WRN: variants seen among roughly 807,000 people sequenced by gnomAD.
The protein encoded by WRN is WRN RecQ like helicase.
In WRN, 149 loss-of-function variants were observed where a neutral mutation model predicts 180.7. That is an observed-to-expected ratio of 0.82 (90% confidence interval 0.72 to 0.94). WRN has a LOEUF of 0.94. WRN is among the 40% of genes least tolerant of loss of function. WRN has a pLI of 0.00. For missense variants in WRN, 1,661 were observed against 1,700.1 expected, an observed-to-expected ratio of 0.98 and a Z score of 0.40; for synonymous variants, 548 against 568.9, an observed-to-expected ratio of 0.96 and a Z score of 0.52.
At chr8:31,136,836 C>CAAAT (rs146117888) in intron 24 of WRN, among the ~76,000 whole-genome samples, 7,616 of 149,542 alleles carry the variant, frequency 0.051, 260 homozygotes, top group Middle Eastern at 0.12. Context: ...TACCCTGTCT[C>CAAAT]GAATGAATGA....
At chr8:31,057,792 C>T (rs1585400829) in intron 1 of WRN, among the ~76,000 whole-genome samples, 1 of 151,422 alleles carries the variant, frequency 6.6e-6, no homozygotes, top group South Asian at 2.1e-4. Context: ...TTCTTATTCA[C>T]TGTATTTTCT....
intron 24 of WRN, among the ~76,000 whole-genome samples, chr8:31,134,819 T>C (rs1369488831): frequency 6.6e-6 from 1 of 152,208 alleles, no homozygotes; most frequent in Non-Finnish European, 1.5e-5. Context: ...CGGGAGAGGA[T>C]TATCCATCCT....
chr8:31,119,574 T>G (rs939952307), intron 20 of WRN, among the ~76,000 whole-genome samples: 1 of 151,988 alleles, frequency 6.6e-6, no homozygotes, highest in East Asian at 1.9e-4. Flanking sequence ...TTTGGCTAGA[T>G]TAGTGTATAC....
intron 1 of WRN, among the ~76,000 whole-genome samples, chr8:31,041,825 G>A (rs1811668166): frequency 6.6e-6 from 1 of 152,178 alleles, no homozygotes; most frequent in Non-Finnish European, 1.5e-5. Flanking sequence ...AGTCAAAATG[G>A]TTGTGCTTTT....
chr8:31,058,277 C>T, intron 1 of WRN, 95 bp from the exon 2 acceptor site: 1 of 596,442 alleles, frequency 1.7e-6, no homozygotes, highest in South Asian at 2.0e-5. Flanking sequence ...TTTTGTGATT[C>T]TAGCTCTTAT....
In WRN at chr8:31,062,628, G is replaced by T. The variant is rs141634302; in HGVS notation, c.210-1661G>T. On this transcript the variant is annotated intron_variant, in intron 3 of 34. Coordinates refer to ENST00000298139, the MANE Select transcript of WRN (RefSeq NM_000553.6). The stretch of plus-strand genomic sequence containing the variant: ...GGGTTTTTGCCATGTTGCCCAGGCG[G>T]TCTCAAATTCCTGGACTCAAGCAAT... Among the ~76,000 whole-genome samples the T allele has an allele frequency of 7.8e-4, 119 of 151,662 alleles. 4 individuals carry two copies. The East Asian group carries it at 0.017, about 22-fold the overall frequency.
In WRN at chr8:31,132,371, T is replaced by A. The variant is rs1563370784; in HGVS notation, c.2832T>A (p.Asp944Glu). 6.2e-7 allele frequency: 1 copy of A among 1,613,884 alleles called. No individual in the cohort carries two copies. Among genetic ancestry groups the A allele is most frequent in the Non-Finnish European group, 8.5e-7 (1 of 1,179,956 alleles). Residue 944 changes from aspartate to glutamate, a missense_variant, in exon 24 of 35, where the codon GAT (aspartate) becomes GAA (glutamate). Physicochemically the swap from Asp to Glu is conservative, Grantham distance 45 (BLOSUM62 2). This residue lies in a region of WRN where 1,141 missense variants were observed against 1,149.4 expected (regional missense o/e 0.99). Transcript: ENST00000298139. ...KCCDNCRSRLDHCYSMDDSED... is the reference protein window; with the variant it reads ...KCCDNCRSRLEHCYSMDDSED... ...TGTTATTATTTTTATTTAGATTGGA[T>A]CATTGCTATTCCATGGATGACTCAG...
chr8:31,093,369 G>A (rs761652989), intron 16 of WRN, among the ~76,000 whole-genome samples: 12 of 152,088 alleles, frequency 7.9e-5, no homozygotes, highest in East Asian at 3.9e-4. Flanking sequence ...CCAAAGTGCC[G>A]GGATTACAGG....
intron 7 of WRN, among the ~76,000 whole-genome samples, chr8:31,074,815 AG>A (rs1439319146): frequency 6.6e-6 from 1 of 152,186 alleles, no homozygotes; most frequent in Non-Finnish European, 1.5e-5. Context: ...TGGAAGGCTC[AG>A]TGGGCAGTGG....
intron 33 of WRN, among the ~76,000 whole-genome samples, chr8:31,158,913 T>C (rs1803495907): frequency 6.6e-6 from 1 of 152,130 alleles, no homozygotes; most frequent in South Asian, 2.1e-4. Flanking sequence ...AACCTATTTA[T>C]AAGTTATGTC....
At chr8:31,137,577 A>G (rs1802447023) in intron 24 of WRN, among the ~76,000 whole-genome samples, 1 of 152,158 alleles carries the variant, frequency 6.6e-6, no homozygotes, top group Non-Finnish European at 1.5e-5. Context: ...TAACTAATAA[A>G]AAGCAGATTA....
At chr8:31,112,344 A>T (rs1156299247) in intron 19 of WRN, among the ~76,000 whole-genome samples, 1 of 152,190 alleles carries the variant, frequency 6.6e-6, no homozygotes, top group Admixed American at 6.5e-5. Context: ...AGTCTTAAGG[A>T]GCTTAGAAAA....
intron 6 of WRN, among the ~76,000 whole-genome samples, chr8:31,067,818 T>C (rs1812770031): frequency 6.6e-6 from 1 of 152,204 alleles, no homozygotes; most frequent in Admixed American, 6.5e-5. Context: ...GTTTCTCCTT[T>C]GCATCTATCA....
intron 19 of WRN, among the ~76,000 whole-genome samples, chr8:31,113,093 C>G (rs952450497): frequency 6.6e-6 from 1 of 150,644 alleles, no homozygotes; most frequent in Non-Finnish European, 1.5e-5. Flanking sequence ...GTAGTCCCAG[C>G]TATTTGGGAG....
intron 7 of WRN, among the ~76,000 whole-genome samples, chr8:31,073,106 G>A (rs898948814): frequency 3.9e-5 from 6 of 152,172 alleles, no homozygotes; most frequent in African/African-American, 1.2e-4. Flanking sequence ...ACCCATAGAG[G>A]ATTTGGAGCA....
intron 12 of WRN, among the ~76,000 whole-genome samples, chr8:31,088,218 T>C (rs1250278979): frequency 1.3e-5 from 2 of 152,204 alleles, no homozygotes; most frequent in East Asian, 3.8e-4. Context: ...ACTCTAACAA[T>C]GAACTTTTAT....
At chr8:31,104,289 A>G (rs1197024813) in intron 18 of WRN, among the ~76,000 whole-genome samples, 3 of 151,998 alleles carry the variant, frequency 2.0e-5, no homozygotes. Context: ...CTCACTTTTA[A>G]TTTGCATTTC....
rs1812743061 is a variant in WRN at position 31,067,185 on chromosome 8, A to ACGT, written c.654+4_654+6dup. 1.9e-6 allele frequency: 3 copies of ACGT among 1,613,440 alleles called. No homozygotes were observed. Among genetic ancestry groups the ACGT allele is most frequent in the South Asian group, 1.1e-5 (1 of 91,074 alleles). On this transcript the variant is annotated splice_donor_region_variant and intron_variant, in intron 6 of 34. Transcript: ENST00000298139. The stretch of plus-strand genomic sequence containing the variant: ...TGTATGCAGCCACTGATGCTTATGT[A>ACGT]CGTGCTTAAAGATCTTTAGAAATTG...
At position 31,175,493 on chromosome 8, in the gene WRN, AAT is replaced by A. The variant is rs1804249504; in HGVS notation, c.*2392_*2393del. 6.6e-6 allele frequency among the ~76,000 whole-genome samples: 1 copy of A among 152,220 alleles called. No homozygotes were observed. The highest frequency in any genetic ancestry group is 2.4e-5 in the African/African-American group (1 of 41,454). The stretch of plus-strand genomic sequence containing the variant: ...ATCTGTTCAGAGTACAAGATGGACC[AAT>A]GGATTTGATATATTTGAATATAACA... On this transcript the variant is annotated 3_prime_UTR_variant, in exon 35 of 35. Transcript: ENST00000298139.
Sources: allele counts gnomAD v4.1 joint callset (sites outside exome capture counted in the v4.1 genomes callset), GRCh38; gene constraint gnomAD v4.1.1; regional missense constraint gnomAD v4.1.1; transcripts MANE v1.5; gene names NCBI Gene and HGNC (gene_info 2026-07-23, HGNC 2026-07-21).